Variants in ZNFX1 observed in about 807,000 individuals in gnomAD.
ZNFX1 encodes the protein NFX1-type zinc finger-containing protein 1.
ZNFX1 carries 78 observed loss-of-function variants against 179.8 expected under a neutral mutation model. That is an observed-to-expected ratio of 0.43 (90% CI 0.36 to 0.52). The LOEUF (loss-of-function observed/expected upper bound fraction) is 0.52. Among genes scored for constraint, ZNFX1 ranks in the 20% least tolerant of loss-of-function variants. ZNFX1 has a pLI of 0.00. For missense variants in ZNFX1, 1,927 were observed against 2,386.6 expected (o/e 0.81, Z 4.01); for synonymous variants, 848 against 868.5 (o/e 0.98, Z 0.42).
At chr20:49,276,916 T>C (rs977948345) in intron 1 of ZNFX1, among the ~76,000 whole-genome samples, 3 of 152,154 alleles carry the variant, frequency 2.0e-5, no homozygotes. Flanking sequence ...GTTTGTTTAT[T>C]TTCAATTCTC....
chr20:49,252,925 A>C, intron 11 of ZNFX1, 95 bp from the exon 12 acceptor site: 1 of 941,106 alleles, frequency 1.1e-6, no homozygotes, highest in Non-Finnish European at 1.7e-6. Context: ...ATGTTTTTCA[A>C]GTGTTGACTA....
Position 49,270,214 on chromosome 20 carries a change from T to C in ZNFX1, c.1598A>G (p.Gln533Arg). ...QEVQEEDVPF[Q>R]RNIVECNSHV... ...AGAGTTACACTCCACGATATTCCTC[T>C]GGAAGGGAACATCTTCCTCCTGGAC... The change falls in exon 3 of 14, where the codon CAG (glutamine) becomes CGG (arginine). Residue 533 changes from glutamine to arginine, a missense_variant. By Grantham distance (43) the Gln-to-Arg change is conservative (BLOSUM62 1). Coordinates refer to ENST00000396105, the MANE Select transcript of ZNFX1 (RefSeq NM_021035.3). The surrounding 1 kb of genome is among the most constrained non-coding windows in gnomAD (Gnocchi z 4.6). 6.2e-7 allele frequency: 1 copy of C among 1,614,016 alleles called. No homozygotes were observed. Among genetic ancestry groups the C allele is most frequent in the Non-Finnish European group, 8.5e-7 (1 of 1,180,038 alleles).
Position 49,270,192 on chromosome 20 carries a change from G to C in ZNFX1, c.1620C>G (p.Asn540Lys), listed in dbSNP as rs1981345076. 2 of 1,614,066 alleles carry C rather than the reference G, an allele frequency of 1.2e-6. No homozygotes were observed. Among genetic ancestry groups the C allele is most frequent in the Non-Finnish European group, 1.7e-6 (2 of 1,180,036 alleles). ...VPFQRNIVEC[N>K]SHVKEPRYLL... ...AGTACCTTGGCTCCTTCACATGAGA[G>C]TTACACTCCACGATATTCCTCTGGA... is the stretch of plus-strand genomic sequence containing the variant. The change falls in exon 3 of 14, where the codon AAC becomes AAG. Residue 540 changes from asparagine to lysine, a missense_variant. By Grantham distance (94) the Asn-to-Lys change is moderately conservative. Coordinates refer to ENST00000396105, the MANE Select transcript of ZNFX1 (RefSeq NM_021035.3). The surrounding 1 kb of genome is among the most constrained non-coding windows in gnomAD (Gnocchi z 4.6).
At position 49,247,649 on chromosome 20, in the gene ZNFX1, T is replaced by C. The variant is rs983359294; in HGVS notation, c.5375A>G (p.Gln1792Arg). 20 of 1,614,238 alleles carry C rather than the reference T, an allele frequency of 1.2e-5. No homozygotes were observed. Among genetic ancestry groups the C allele is most frequent in the Non-Finnish European group, 1.7e-5 (20 of 1,180,040 alleles). ...DSIAVEVYSV[Q>R]NILEKTCKFT... The stretch of plus-strand genomic sequence containing the variant: ...CTTACATGTTTTCTCAAGGATATTC[T>C]GGACACTATAGACCTCTACTGCTAT... The change falls in exon 14 of 14, where the codon CAG becomes CGG. Residue 1792 changes from glutamine (Q) to arginine (R), a missense_variant. Transcript: ENST00000396105.
At chr20:49,268,636 A>G (rs1338568397) in intron 3 of ZNFX1, among the ~76,000 whole-genome samples, 1 of 152,202 alleles carries the variant, frequency 6.6e-6, no homozygotes, top group Non-Finnish European at 1.5e-5. Context: ...TCTAAGGTCT[A>G]ATATCTGCAA....
chr20:49,270,410 T>A lies in ZNFX1; in HGVS notation c.1402A>T (p.Thr468Ser). The change falls in exon 3 of 14, where the codon ACC becomes TCC. Residue 468 changes from threonine to serine, a missense_variant. Physicochemically the swap from Thr to Ser is moderately conservative, Grantham distance 58. Transcript: ENST00000396105. This position sits in a 1 kb window ranked among gnomAD's most constrained non-coding sequence, Gnocchi z 4.6. ...KDNFETFLFA[T>S]VSNREQEDLC... is the part of the protein sequence containing the mutation. ...TCTTCCTGCTCCCTGTTAGATACGG[T>A]GGCAAAAAGAAATGTCTCGAAGTTG... The A allele has an allele frequency of 6.2e-7, 1 of 1,614,204 alleles. No individual in the cohort carries two copies. The highest frequency in any genetic ancestry group is 8.5e-7 in the Non-Finnish European group (1 of 1,180,030).
At chr20:49,251,452 T>G in intron 13 of ZNFX1, 75 bp downstream of exon 13, 1 of 1,457,096 alleles carries the variant, frequency 6.9e-7, no homozygotes, top group Non-Finnish European at 9.4e-7. Context: ...CTGAAAAGCT[T>G]TTTTATCTTG....
At position 49,270,355 on chromosome 20, in the gene ZNFX1, A is replaced by T. The variant is rs1981351168; in HGVS notation, c.1457T>A (p.Phe486Tyr). ...DLCRGIVQLC[F>Y]NEQSQQLLAE... ...TAGCAGCTGTTGGCTTTGCTCATTG[A>T]AGCAGAGCTGGACAATTCCTCGGCA... Residue 486 changes from phenylalanine (F) to tyrosine (Y), a missense_variant, in exon 3 of 14, where the codon TTC (phenylalanine) becomes TAC (tyrosine). Phe to Tyr is a conservative substitution (Grantham distance 22). Coordinates refer to ENST00000396105, the MANE Select transcript of ZNFX1 (RefSeq NM_021035.3). This position sits in a 1 kb window ranked among gnomAD's most constrained non-coding sequence, Gnocchi z 4.6. 3.7e-6 allele frequency: 6 copies of T among 1,614,188 alleles called. No homozygotes were observed. Among genetic ancestry groups the T allele is most frequent in the Non-Finnish European group, 5.1e-6 (6 of 1,180,042 alleles).
chr20:49,249,363 A>G lies in ZNFX1; in HGVS notation c.3661T>C (p.Leu1221=), dbSNP rs770901411. 2 of 1,614,220 alleles carry G rather than the reference A, an allele frequency of 1.2e-6. No individual in the cohort carries two copies. The highest frequency in any genetic ancestry group is 4.5e-5 in the East Asian group (2 of 44,882). Residue 1221 remains leucine, a synonymous_variant, in exon 14 of 14, where the codon TTG becomes CTG. Coordinates refer to ENST00000396105, the MANE Select transcript of ZNFX1 (RefSeq NM_021035.3). The part of the protein sequence containing the change: ...LQISNRICVA[L]SRAKKGMYCI... ...TACATTCCCTTCTTGGCTCGGGACAAGGCCACACAGATGCGGTTGGATATC... is the reference window on the plus strand; with the variant it reads ...TACATTCCCTTCTTGGCTCGGGACAGGGCCACACAGATGCGGTTGGATATC...
intron 3 of ZNFX1, among the ~76,000 whole-genome samples, chr20:49,269,471 C>T (rs1015531997): frequency 5.3e-5 from 8 of 152,096 alleles, no homozygotes; most frequent in African/African-American, 1.9e-4. Flanking sequence ...CACCTGAGGT[C>T]GGGAGTTCGA....
rs116689515 is a variant in ZNFX1 at position 49,247,420 on chromosome 20, C to T, written c.5604G>A (p.Thr1868=). ...GDCGGAMERG[T]CPDCKEVIGG... Reference sequence around the variant, plus strand: ...CAATCACTTCCTTACAGTCAGGACACGTGCCCCTCTCCATGGCTCCCCCAC... The same window carrying T: ...CAATCACTTCCTTACAGTCAGGACATGTGCCCCTCTCCATGGCTCCCCCAC... The change falls in exon 14 of 14, where the codon ACG becomes ACA. Residue 1868 remains threonine, a synonymous_variant. Transcript: ENST00000396105. 3.9e-4 allele frequency: 632 copies of T among 1,614,172 alleles called. 5 individuals carry two copies. The African/African-American group carries it at 6.9e-3, about 18-fold the overall frequency.
intron 8 of ZNFX1, 112 bp from the exon 9 acceptor site, chr20:49,256,059 G>A: frequency 7.6e-7 from 1 of 1,315,770 alleles, no homozygotes; most frequent in Non-Finnish European, 1.0e-6. Flanking sequence ...ACTGATTAAT[G>A]TCAAGTGTCT....
chr20:49,252,957 T>A (rs1054133773), intron 11 of ZNFX1, 127 bp from the exon 12 acceptor site: 8 of 696,192 alleles, frequency 1.1e-5, no homozygotes, highest in Non-Finnish European at 1.8e-5. Context: ...CTATTCTACA[T>A]ACTCACAGTT....
intron 8 of ZNFX1, 97 bp from the exon 9 acceptor site, chr20:49,256,044 G>A: frequency 1.4e-6 from 2 of 1,418,902 alleles, no homozygotes; most frequent in Non-Finnish European, 1.9e-6. Context: ...AAAAGGGCTG[G>A]CATCACTGAT....
rs72383185 is a variant in ZNFX1 at position 49,272,180 on chromosome 20, CT to C, written c.62-431del. ...TAATTTCTCTAAGTCTCAGTTTCTG[CT>C]TTTTTTTTTTTTTTGAGATGGAATC... On this transcript the variant is annotated intron_variant, in intron 2 of 13. Transcript: ENST00000396105. Among the ~76,000 whole-genome samples, 410 of 140,774 alleles carry C rather than the reference CT, an allele frequency of 2.9e-3. 2 individuals are homozygous for C. The highest frequency in any genetic ancestry group is 7.1e-3 in the African/African-American group (271 of 38,340). 92.4% of individuals were successfully genotyped at this position (140,774 alleles called of 152,430 possible).
At chr20:49,258,098 AT>A (rs10648506) in intron 7 of ZNFX1, among the ~76,000 whole-genome samples, 82 of 138,764 alleles carry the variant, frequency 5.9e-4, no homozygotes, top group African/African-American at 1.1e-3. Context: ...GGTTTATGTG[AT>A]TTTTTTTTTT....
chr20:49,255,168 C>T (rs535760050), intron 9 of ZNFX1, among the ~76,000 whole-genome samples: 2 of 152,020 alleles, frequency 1.3e-5, no homozygotes, highest in East Asian at 1.9e-4. Context: ...CTCAGCCTCC[C>T]GAGTAGCTGG....
At chr20:49,260,289 CAA>C (rs11396262) in intron 7 of ZNFX1, among the ~76,000 whole-genome samples, 172 bp downstream of exon 7, 5 of 116,638 alleles carry the variant, frequency 4.3e-5, no homozygotes, top group South Asian at 2.9e-4. Flanking sequence ...AACTCCATCT[CAA>C]AAAAAAAAAA....
rs7269697 is a variant in ZNFX1, at chr20:49,250,955, C to T, written c.3312+572G>A. Among the ~76,000 whole-genome samples, 1,259 of 152,276 alleles carry T rather than the reference C, an allele frequency of 8.3e-3. 22 individuals are homozygous for T. Among genetic ancestry groups the T allele is most frequent in the African/African-American group, 0.028 (1,162 of 41,540 alleles). ...TGATCCCTTGACCTTGTGATTCGCC[C>T]GCCTCGGCCTCACAAAGCTCTGGGA... is the stretch of plus-strand genomic sequence containing the variant. On this transcript the variant is annotated intron_variant, in intron 13 of 13. Coordinates refer to ENST00000396105, the MANE Select transcript of ZNFX1 (RefSeq NM_021035.3).
Sources: gnomAD v4.1 joint callset for allele counts (sites outside exome capture counted in the v4.1 genomes callset) on GRCh38, gnomAD v4.1.1 for gene constraint, Gnocchi (gnomAD v3.1) non-coding constraint, MANE v1.5 for transcripts, NCBI Gene and HGNC (gene_info 2026-07-23, HGNC 2026-07-21) for gene names.